Variants in DNAJC16 observed in about 807,000 individuals in gnomAD.
DNAJC16 encodes the protein dnaJ homolog subfamily C member 16.
DNAJC16 carries 76 observed loss-of-function variants against 92.7 expected under a neutral mutation model. That is an observed-to-expected ratio of 0.82 (90% CI 0.68 to 0.99). DNAJC16 has a LOEUF of 0.99. DNAJC16 is among the 50% of genes least tolerant of loss of function. The probability of loss-of-function intolerance (pLI) is 0.00; values close to 1 mark genes in which losing one functional copy is unlikely to be tolerated. For missense variants in DNAJC16, 869 were observed against 942.4 expected, an observed-to-expected ratio of 0.92 and a Z score of 1.02; for synonymous variants, 328 against 358.7, an observed-to-expected ratio of 0.91 and a Z score of 0.97.
chr1:15,551,610 T>G (rs6679515), intron 7 of DNAJC16, among the ~76,000 whole-genome samples: 1,741 of 151,930 alleles, frequency 0.011, 45 homozygotes, highest in African/African-American at 0.039. Context: ...GGTTTTTTTT[T>G]TTTTTGCTTT....
At chr1:15,547,533 A>C (rs1191434067) in intron 6 of DNAJC16, among the ~76,000 whole-genome samples, 1 of 150,386 alleles carries the variant, frequency 6.6e-6, no homozygotes, top group East Asian at 2.0e-4. Context: ...ACCTCCGCCT[A>C]CCGGGTTCAA....
At chr1:15,531,489 A>G (rs1710659609) in intron 2 of DNAJC16, among the ~76,000 whole-genome samples, 1 of 152,216 alleles carries the variant, frequency 6.6e-6, no homozygotes, top group Non-Finnish European at 1.5e-5. Context: ...AAAGCAGGAT[A>G]TATAAATCTG....
At chr1:15,553,029 C>T (rs1638483897) in intron 7 of DNAJC16, among the ~76,000 whole-genome samples, 1 of 152,008 alleles carries the variant, frequency 6.6e-6, no homozygotes, top group South Asian at 2.1e-4. Flanking sequence ...CTCCGCCTCC[C>T]AAAGTGCTGG....
At chr1:15,562,064 T>C in intron 8 of DNAJC16, 78 bp from the exon 9 acceptor site, 1 of 1,452,950 alleles carries the variant, frequency 6.9e-7, no homozygotes, top group Non-Finnish European at 9.4e-7. Flanking sequence ...CCTCGTCTTC[T>C]TCACCTTCAC....
At position 15,571,109 on chromosome 1, in the gene DNAJC16, C is replaced by T. The variant is rs767730447; in HGVS notation, c.*2932C>T. 3 of 152,144 alleles carry T rather than the reference C, an allele frequency of 2.0e-5. No individual in the cohort carries two copies. The highest frequency in any genetic ancestry group is 4.4e-5 in the Non-Finnish European group (3 of 68,040). 9.4% of individuals were successfully genotyped at this position (152,144 alleles called of 1,614,324 possible). A position where few individuals can be genotyped will look rare whatever the true frequency, so the allele number is the denominator to read the frequency against. On this transcript the variant is annotated 3_prime_UTR_variant, in exon 15 of 15. Coordinates refer to ENST00000375847, the MANE Select transcript of DNAJC16 (RefSeq NM_015291.4). ...CTAAACAACATTTCAGTGGGTGAGG[C>T]TGCCCTAACTTCCATTAGGGGCCAT...
rs553624920 is a variant in DNAJC16 at position 15,538,993 on chromosome 1, T to C, written c.574+2179T>C. Among the ~76,000 whole-genome samples the C allele has an allele frequency of 5.9e-5, 9 of 152,260 alleles. No individual in the cohort carries two copies. The South Asian group carries it at 1.7e-3, about 28-fold the overall frequency. ...TATTCAAAGGTGGAGAGAAAATTAA[T>C]GTGTATGTGCAGCTGAGGGGGGAAA... On this transcript the variant is annotated intron_variant, in intron 4 of 14. Coordinates refer to ENST00000375847, the MANE Select transcript of DNAJC16 (RefSeq NM_015291.4).
chr1:15,535,778 T>C (rs1402558078), intron 3 of DNAJC16, among the ~76,000 whole-genome samples: 3 of 151,916 alleles, frequency 2.0e-5, no homozygotes, highest in African/African-American at 7.2e-5. Flanking sequence ...TTCTTTTTTC[T>C]TAAGAGACAG....
intron 7 of DNAJC16, among the ~76,000 whole-genome samples, chr1:15,554,637 T>C (rs988028323): frequency 6.6e-6 from 1 of 151,480 alleles, no homozygotes; most frequent in African/African-American, 2.5e-5. Flanking sequence ...TTTTGTACTT[T>C]TTGTATATAT....
intron 7 of DNAJC16, 38 bp downstream of exon 7, chr1:15,548,466 T>G (rs2295626): frequency 2.6e-6 from 4 of 1,553,060 alleles, no homozygotes; most frequent in Non-Finnish European, 3.5e-6. Context: ...TTTCTTCACA[T>G]TTTATCCCAA....
chr1:15,564,724 T>TCAC lies in DNAJC16; in HGVS notation c.1598+368_1598+370dup, dbSNP rs537888793. On this transcript the variant is annotated intron_variant, in intron 11 of 14. Transcript: ENST00000375847. ...TTGTATTTTTAGTAGAGATAGGGTT[T>TCAC]CACCATGTTGGTCAGGCTGGTCTCA... is the stretch of plus-strand genomic sequence containing the variant. Among the ~76,000 whole-genome samples the TCAC allele has an allele frequency of 9.4e-4, 143 of 152,028 alleles. 1 individual carries two copies. The highest frequency in any genetic ancestry group is 3.4e-3 in the African/African-American group (141 of 41,476).
chr1:15,560,509 T>A (rs979525889), intron 8 of DNAJC16, among the ~76,000 whole-genome samples: 4 of 152,180 alleles, frequency 2.6e-5, no homozygotes, highest in Admixed American at 6.5e-5. Flanking sequence ...AATGTATTCA[T>A]TACACCTTCT....
intron 7 of DNAJC16, among the ~76,000 whole-genome samples, chr1:15,559,132 GT>G (rs1339881457): frequency 6.6e-6 from 1 of 152,028 alleles, no homozygotes; most frequent in Non-Finnish European, 1.5e-5. Flanking sequence ...CAGAGACGGG[GT>G]TTCACTATGT....
chr1:15,553,505 A>G lies in DNAJC16; in HGVS notation c.1023+5077A>G, dbSNP rs183514812. ...CATCTCGGCCTCCCAAAGTGCTGGGATTACAGACGTGAGTCACCGCACCTG... is the reference window on the plus strand; with the variant it reads ...CATCTCGGCCTCCCAAAGTGCTGGGGTTACAGACGTGAGTCACCGCACCTG... On this transcript the variant is annotated intron_variant, in intron 7 of 14. Transcript: ENST00000375847. Among the ~76,000 whole-genome samples the G allele has an allele frequency of 1.4e-3, 218 of 152,310 alleles. 1 individual carries two copies. Among genetic ancestry groups the G allele is most frequent in the Non-Finnish European group, 2.3e-3 (154 of 68,016 alleles).
chr1:15,533,278 G>T (rs1304979452), intron 2 of DNAJC16, among the ~76,000 whole-genome samples: 1 of 152,168 alleles, frequency 6.6e-6, no homozygotes, highest in Non-Finnish European at 1.5e-5. Context: ...CAGGAGGATG[G>T]CATGAGTCCA....
At chr1:15,529,564 AT>A (rs1710606008) in intron 2 of DNAJC16, among the ~76,000 whole-genome samples, 2 of 152,224 alleles carry the variant, frequency 1.3e-5, no homozygotes, top group Non-Finnish European at 2.9e-5. Context: ...TTTTAAAAAA[AT>A]GTATATATAG....
chr1:15,546,042 T>G (rs1238714495), intron 5 of DNAJC16, among the ~76,000 whole-genome samples: 1 of 152,172 alleles, frequency 6.6e-6, no homozygotes, highest in African/African-American at 2.4e-5. Context: ...TGGTGGCTCA[T>G]ACCTGTAATC....
At chr1:15,528,678 T>C (rs528694662) in intron 1 of DNAJC16, among the ~76,000 whole-genome samples, 3 of 152,352 alleles carry the variant, frequency 2.0e-5, no homozygotes, top group African/African-American at 7.2e-5. Flanking sequence ...TAACATGTAC[T>C]CAATGAAGTA....
intron 2 of DNAJC16, 111 bp from the exon 3 acceptor site, chr1:15,534,126 A>T: frequency 9.9e-7 from 1 of 1,006,792 alleles, no homozygotes; most frequent in Non-Finnish European, 1.4e-6. Context: ...AAACTTTCCT[A>T]ACAAAATAGC....
chr1:15,543,147 C>G (rs1177517881), intron 4 of DNAJC16, among the ~76,000 whole-genome samples: 7 of 152,150 alleles, frequency 4.6e-5, no homozygotes. Flanking sequence ...GGCTTACATT[C>G]TAGAAGGGGA....
Sources: allele counts gnomAD v4.1 joint callset (sites outside exome capture counted in the v4.1 genomes callset), GRCh38; gene constraint gnomAD v4.1.1; transcripts MANE v1.5; gene names NCBI Gene and HGNC (gene_info 2026-07-23, HGNC 2026-07-21).